USP37: variants seen among roughly 807,000 people sequenced by gnomAD.
USP37 encodes the protein ubiquitin specific peptidase 37.
A neutral mutation model predicts 124.0 loss-of-function variants in USP37; 27 were observed. That is an observed-to-expected ratio of 0.22 (90% CI 0.16 to 0.30). USP37 has a LOEUF of 0.30. USP37 is among the 10% of genes least tolerant of loss of function. The pLI is 1.00. For missense variants in USP37, 889 were observed against 1,140.4 expected, an observed-to-expected ratio of 0.78 and a Z score of 3.17; for synonymous variants, 365 against 388.0, an observed-to-expected ratio of 0.94 and a Z score of 0.70.
chr2:218,466,874 C>A (rs1690355698), intron 20 of USP37, among the ~76,000 whole-genome samples: 1 of 151,882 alleles, frequency 6.6e-6, no homozygotes, highest in Non-Finnish European at 1.5e-5. Context: ...GCTGGGATTA[C>A]AGGTGCACGC....
chr2:218,561,418 G>A (rs568094597), intron 2 of USP37, among the ~76,000 whole-genome samples: 97 of 152,238 alleles, frequency 6.4e-4, no homozygotes, highest in Non-Finnish European at 8.7e-4. Flanking sequence ...AGCACTTTGC[G>A]AGGCCGAGGT....
At position 218,482,072 on chromosome 2, in the gene USP37, T is replaced by C. The variant is rs1269973527; in HGVS notation, c.1833A>G (p.Ala611=). 11 of 1,605,696 alleles carry C rather than the reference T, an allele frequency of 6.9e-6. No homozygotes were observed. The highest frequency in any genetic ancestry group is 9.4e-6 in the Non-Finnish European group (11 of 1,175,102). ...PFTLGWSAHM[A]ISRPLKASQM... ...GACATAGTCTCTCAAGGACTTACAT[T>C]GCCATATGTGCACTCCAACCAAGGG... Residue 611 remains alanine (A), a splice_region_variant and synonymous_variant, in exon 17 of 26, where the codon GCA becomes GCG. Transcript: ENST00000258399.
At chr2:218,525,884 A>C (rs1038397485) in intron 10 of USP37, among the ~76,000 whole-genome samples, 1 of 152,126 alleles carries the variant, frequency 6.6e-6, no homozygotes, top group African/African-American at 2.4e-5. Flanking sequence ...GTTCTACTCT[A>C]TATGTCCACG....
intron 1 of USP37, among the ~76,000 whole-genome samples, chr2:218,565,918 G>A (rs769756145): frequency 2.0e-5 from 3 of 151,998 alleles, no homozygotes; most frequent in South Asian, 2.1e-4. Context: ...GCATGGTGGC[G>A]GGTGCCTGTA....
chr2:218,474,559 T>A, intron 20 of USP37, 71 bp downstream of exon 20: 1 of 1,570,466 alleles, frequency 6.4e-7, no homozygotes, highest in Non-Finnish European at 8.6e-7. Context: ...TATTTGGAGG[T>A]TATTTGTCAC....
chr2:218,468,576 G>A (rs540288508), intron 20 of USP37, among the ~76,000 whole-genome samples: 2 of 152,096 alleles, frequency 1.3e-5, no homozygotes, highest in Non-Finnish European at 1.5e-5. Context: ...CATTACTAAA[G>A]TAAACCTCCT....
In USP37 at chr2:218,546,301, AC is replaced by A. The variant is rs777660314; in HGVS notation, c.603-4del. 3 of 1,605,584 alleles carry A rather than the reference AC, an allele frequency of 1.9e-6. No individual in the cohort carries two copies. Among genetic ancestry groups the A allele is most frequent in the Non-Finnish European group, 2.6e-6 (3 of 1,176,244 alleles). On this transcript the variant is annotated splice_polypyrimidine_tract_variant and splice_region_variant and intron_variant, in intron 7 of 25. Transcript: ENST00000258399. ...TCATTCTTTTCCTCTTTTCAGTACTACAGAGAACAAAGAAAAGGTTACTTTT... is the reference window on the plus strand; with the variant it reads ...TCATTCTTTTCCTCTTTTCAGTACTAAGAGAACAAAGAAAAGGTTACTTTT...
In USP37 at chr2:218,452,315, A is replaced by G. The variant is rs190152795; in HGVS notation, c.*2615T>C. 17 of 152,300 alleles carry G rather than the reference A, an allele frequency of 1.1e-4. No homozygotes were observed. The highest frequency in any genetic ancestry group is 1.0e-3 in the Admixed American group (16 of 15,294). The allele number at this position is 152,300 out of a possible 1,614,324, so 9.4% of individuals were successfully genotyped here. ...TCTAACTTGTCCCTTCCTGGCCCCA[A>G]CATGCTAACTGCCCCATCCCCAATT... On this transcript the variant is annotated 3_prime_UTR_variant, in exon 26 of 26. Transcript: ENST00000258399.
intron 14 of USP37, among the ~76,000 whole-genome samples, chr2:218,491,996 G>A (rs1688808025): frequency 6.6e-6 from 1 of 152,068 alleles, no homozygotes; most frequent in South Asian, 2.1e-4. Context: ...GCCCACAAGT[G>A]TCAGACCAGC....
At chr2:218,478,658 A>G (rs1369631292) in intron 18 of USP37, among the ~76,000 whole-genome samples, 1 of 152,224 alleles carries the variant, frequency 6.6e-6, no homozygotes, top group East Asian at 1.9e-4. Flanking sequence ...GACTTGGTAC[A>G]TAGAGTGCAT....
chr2:218,505,311 GC>G (rs1689619124), intron 11 of USP37, among the ~76,000 whole-genome samples: 1 of 152,164 alleles, frequency 6.6e-6, no homozygotes, highest in Non-Finnish European at 1.5e-5. Context: ...TAGCCATCAT[GC>G]CCAGCTGACA....
At position 218,529,982 on chromosome 2, in the gene USP37, G is replaced by C; in HGVS notation, c.837C>G (p.His279Gln). ...FYGSRAGSKE[H>Q]SSGGTNLDRT... ...TGTCTAAGTTAGTGCCACCAGAAGA[G>C]TGTTCCTTGGATCCAGCTCTGCTAC... The change falls in exon 10 of 26, where the codon CAC becomes CAG. Residue 279 changes from histidine (H) to glutamine (Q), a missense_variant. His to Gln is a conservative substitution (Grantham distance 24). Transcript: ENST00000258399. 1 of 1,613,498 alleles carries C rather than the reference G, an allele frequency of 6.2e-7. No individual in the cohort carries two copies. The highest frequency in any genetic ancestry group is 1.7e-4 in the Middle Eastern group (1 of 6,058).
Position 218,461,926 on chromosome 2 carries a change from G to A in USP37, c.2527+1380C>T, listed in dbSNP as rs1212746127. ...AATCCCAACACTTTGGGAGGCCAAC[G>A]CAGGTGGATCACCTAAGGTCAAGAG... is the stretch of plus-strand genomic sequence containing the variant. On this transcript the variant is annotated intron_variant, in intron 22 of 25. Transcript: ENST00000258399. 3.9e-5 allele frequency among the ~76,000 whole-genome samples: 6 copies of A among 152,224 alleles called. No individual in the cohort carries two copies. The East Asian group carries it at 5.8e-4, about 15-fold the overall frequency.
chr2:218,455,463 C>T, intron 25 of USP37, 117 bp downstream of exon 25: 1 of 1,419,346 alleles, frequency 7.0e-7, no homozygotes, highest in Non-Finnish European at 9.3e-7. Context: ...TGATAAAAAC[C>T]AAAAATTTTC....
At chr2:218,554,360 T>C (rs1420265469) in intron 4 of USP37, among the ~76,000 whole-genome samples, 1 of 152,216 alleles carries the variant, frequency 6.6e-6, no homozygotes, top group Non-Finnish European at 1.5e-5. Context: ...GGGAATCCCT[T>C]ATTTTCAGAT....
chr2:218,568,042 C>G (rs149273923), intron 1 of USP37, 136 bp downstream of exon 1: 1 of 152,488 alleles, frequency 6.6e-6, no homozygotes, highest in Non-Finnish European at 1.5e-5. Context: ...GCTGGGGGTG[C>G]ATCGAGGGGT....
intron 8 of USP37, among the ~76,000 whole-genome samples, chr2:218,535,145 C>T (rs957749230): frequency 1.3e-5 from 2 of 151,432 alleles, no homozygotes; most frequent in African/African-American, 2.4e-5. Context: ...GCGGGCAGAT[C>T]GCGAGGTCAG....
At chr2:218,496,241 C>T (rs927288290) in intron 13 of USP37, among the ~76,000 whole-genome samples, 6 of 49,682 alleles carry the variant, frequency 1.2e-4, no homozygotes, top group African/African-American at 2.0e-4. Context: ...TACAGTGAGC[C>T]AAGATCGCAC....
At chr2:218,552,633 C>T (rs1016061922) in intron 5 of USP37, among the ~76,000 whole-genome samples, 1 of 135,888 alleles carries the variant, frequency 7.4e-6, no homozygotes, top group Non-Finnish European at 1.6e-5. Context: ...AGAAAAAGTG[C>T]CTGTAAATGC....
Sources: allele counts gnomAD v4.1 joint callset (sites outside exome capture counted in the v4.1 genomes callset), GRCh38; gene constraint gnomAD v4.1.1; transcripts MANE v1.5; gene names NCBI Gene and HGNC (gene_info 2026-07-23, HGNC 2026-07-21).